The following WIPF3 variants were observed in gnomAD, a reference collection of about 807,000 sequenced individuals.
WIPF3 encodes WAS/WASL-interacting protein family member 3.
In WIPF3, 33 loss-of-function variants were observed where a neutral mutation model predicts 38.9. The observed-to-expected ratio is 0.85, with a 90% CI of 0.64 to 1.14. The LOEUF (loss-of-function observed/expected upper bound fraction) is 1.14, where lower values mean the gene tolerates loss of function less well. Among genes scored for constraint, WIPF3 ranks in the 50% most tolerant of loss-of-function variants. The probability of loss-of-function intolerance (pLI) is 0.00; values close to 1 mark genes in which losing one functional copy is unlikely to be tolerated. For missense variants in WIPF3, 711 were observed against 652.5 expected, an observed-to-expected ratio of 1.09 and a Z score of -0.98; for synonymous variants, 324 against 269.3, an observed-to-expected ratio of 1.20 and a Z score of -1.99.
intron 2 of WIPF3, among the ~76,000 whole-genome samples, chr7:29,843,711 G>GCAC (rs1784954652): frequency 6.6e-6 from 1 of 152,174 alleles, no homozygotes. Flanking sequence ...TGCTTGCGAA[G>GCAC]GTCACCATCG....
intron 1 of WIPF3, among the ~76,000 whole-genome samples, chr7:29,822,573 C>T (rs572745524): frequency 6.6e-5 from 10 of 152,238 alleles, no homozygotes; most frequent in East Asian, 3.9e-4. Flanking sequence ...TTATTCTAAA[C>T]GAGAGTTGAT....
chr7:29,831,308 C>G (rs928861754), intron 1 of WIPF3, among the ~76,000 whole-genome samples: 2 of 152,172 alleles, frequency 1.3e-5, no homozygotes, highest in Admixed American at 1.3e-4. Context: ...CATGGGTTGT[C>G]TTGTTCTATC....
At chr7:29,830,479 G>A (rs1477284207) in intron 1 of WIPF3, among the ~76,000 whole-genome samples, 2 of 151,884 alleles carry the variant, frequency 1.3e-5, no homozygotes, top group Non-Finnish European at 2.9e-5. Flanking sequence ...AATTAGCCAG[G>A]GGTGGCAGTG....
chr7:29,888,125 C>T lies in WIPF3; in HGVS notation c.1157C>T (p.Thr386Ile). 1 of 1,613,952 alleles carries T rather than the reference C, an allele frequency of 6.2e-7. No individual in the cohort carries two copies. Among genetic ancestry groups the T allele is most frequent in the Non-Finnish European group, 8.5e-7 (1 of 1,179,878 alleles). The change falls in exon 6 of 9, where the codon ACA (threonine) becomes ATA (isoleucine). Residue 386 changes from threonine to isoleucine, a missense_variant. By Grantham distance (89) the Thr-to-Ile change is moderately conservative. Coordinates refer to ENST00000242140, the MANE Select transcript of WIPF3 (RefSeq NM_001080529.3). Reference sequence around the variant, plus strand: ...GCACCCCCTGCGAGATCACCTACCACAGAGCTTTCAAGCAAGAGCCAGCAG... The same window carrying T: ...GCACCCCCTGCGAGATCACCTACCATAGAGCTTTCAAGCAAGAGCCAGCAG... ...PPAPPARSPT[T>I]ELSSKSQQAT...
intron 2 of WIPF3, among the ~76,000 whole-genome samples, chr7:29,858,158 T>C (rs1785216000): frequency 6.6e-6 from 1 of 152,240 alleles, no homozygotes; most frequent in Non-Finnish European, 1.5e-5. Context: ...TGGAATATAC[T>C]AGAGATCAGA....
chr7:29,816,116 C>G (rs10256615), intron 1 of WIPF3, among the ~76,000 whole-genome samples: 17,512 of 152,204 alleles, frequency 0.12, 1,115 homozygotes, highest in African/African-American at 0.16. Context: ...ACAGTTGTCC[C>G]AAATAAAGTG....
intron 1 of WIPF3, among the ~76,000 whole-genome samples, chr7:29,812,141 G>GT (rs1452290557): frequency 1.3e-5 from 2 of 152,196 alleles, no homozygotes; most frequent in African/African-American, 4.8e-5. Flanking sequence ...GAAAAATCCA[G>GT]TGCTAGAAAG....
At chr7:29,837,372 A>T (rs1028531805) in intron 2 of WIPF3, among the ~76,000 whole-genome samples, 2 of 152,228 alleles carry the variant, frequency 1.3e-5, no homozygotes, top group African/African-American at 4.8e-5. Context: ...ACAAACAAAC[A>T]AACAAATGAA....
At chr7:29,819,114 T>C (rs1382460661) in intron 1 of WIPF3, among the ~76,000 whole-genome samples, 1 of 152,148 alleles carries the variant, frequency 6.6e-6, no homozygotes, top group South Asian at 2.1e-4. Flanking sequence ...TGCTAAGTGG[T>C]AATTAACTGC....
chr7:29,871,579 G>T (rs1785497832), intron 2 of WIPF3, among the ~76,000 whole-genome samples: 1 of 152,204 alleles, frequency 6.6e-6, no homozygotes, highest in Non-Finnish European at 1.5e-5. Context: ...GAAAGGTGAG[G>T]ATGGCATATG....
chr7:29,821,643 T>C (rs1240446319), intron 1 of WIPF3, among the ~76,000 whole-genome samples: 5 of 152,248 alleles, frequency 3.3e-5, no homozygotes, highest in Non-Finnish European at 7.3e-5. Flanking sequence ...TTTCTTAAAT[T>C]ATATGCTTGA....
intron 2 of WIPF3, among the ~76,000 whole-genome samples, chr7:29,870,722 C>T (rs1785479894): frequency 6.6e-6 from 1 of 152,168 alleles, no homozygotes; most frequent in African/African-American, 2.4e-5. Context: ...CTCCAGGTAA[C>T]AGTCACAGTT....
chr7:29,875,925 C>G lies in WIPF3; in HGVS notation c.186C>G (p.Val62=). The G allele has an allele frequency of 6.2e-7, 1 of 1,614,056 alleles. No individual in the cohort carries two copies. Among genetic ancestry groups the G allele is most frequent in the Non-Finnish European group, 8.5e-7 (1 of 1,179,902 alleles). The change falls in exon 3 of 9, where the codon GTC becomes GTG. Residue 62 remains valine, a synonymous_variant. Coordinates refer to ENST00000242140, the MANE Select transcript of WIPF3 (RefSeq NM_001080529.3). ...DIQQGTRLRK[V]TQINDRSAPQ... is the part of the protein sequence containing the mutation. ...AGCAAGGAACTCGCCTGCGCAAAGT[C>G]ACGCAGATCAACGACCGCAGTGCCC...
chr7:29,835,738 C>T (rs1784789530), intron 2 of WIPF3, among the ~76,000 whole-genome samples: 1 of 152,228 alleles, frequency 6.6e-6, no homozygotes, highest in African/African-American at 2.4e-5. Context: ...CGCATCCGCT[C>T]CGCAGCTTCT....
chr7:29,857,295 T>A (rs963716059), intron 2 of WIPF3, among the ~76,000 whole-genome samples: 7 of 152,232 alleles, frequency 4.6e-5, no homozygotes, highest in Admixed American at 1.3e-4. Context: ...ATAAACTAAG[T>A]TGTTTCTCTT....
chr7:29,814,250 G>T (rs1784424328), intron 1 of WIPF3, among the ~76,000 whole-genome samples: 1 of 152,064 alleles, frequency 6.6e-6, no homozygotes, highest in Admixed American at 6.5e-5. Context: ...GTGTTTTCTT[G>T]TATACCCTGT....
Position 29,884,264 on chromosome 7 carries a change from T to TTGCCCCCCCC in WIPF3, c.770_771insTGCCCCCCCC (p.Pro258AlafsTer63). ...AAGCCTCAGCTGGCTCCCTTGCACC[T>TTGCCCCCCCC]CCCGCCCATCCCGCCCCCGCTCCCT... On this transcript the variant is annotated frameshift_variant, in exon 5 of 9. Transcript: ENST00000242140. LOFTEE classifies it high-confidence loss of function. 1.5e-6 allele frequency: 2 copies of TTGCCCCCCCC among 1,315,282 alleles called. No homozygotes were observed. Among genetic ancestry groups the TTGCCCCCCCC allele is most frequent in the Non-Finnish European group, 2.0e-6 (2 of 992,706 alleles). The allele number at this position is 1,315,282 out of a possible 1,614,324, so 81.5% of individuals were successfully genotyped here.
Position 29,875,884 on chromosome 7 carries a change from C to T in WIPF3, c.145C>T (p.Leu49=). 1 of 1,614,084 alleles carries T rather than the reference C, an allele frequency of 6.2e-7. No homozygotes were observed. The highest frequency in any genetic ancestry group is 1.1e-5 in the South Asian group (1 of 91,088). The change falls in exon 3 of 9, where the codon CTG becomes TTG. Residue 49 remains leucine (L), a synonymous_variant. Coordinates refer to ENST00000242140, the MANE Select transcript of WIPF3 (RefSeq NM_001080529.3). ...GGCAGATCCGAAAGGCCGGAGTGCG[C>T]TGTTGGCTGATATCCAGCAAGGAAC... ...RRADPKGRSA[L]LADIQQGTRL... is the part of the protein sequence containing the mutation.
intron 2 of WIPF3, among the ~76,000 whole-genome samples, chr7:29,836,222 G>A (rs1357609042): frequency 6.6e-6 from 1 of 152,218 alleles, no homozygotes; most frequent in Non-Finnish European, 1.5e-5. Context: ...CAAAGTGATG[G>A]TTTGTAAGTA....
Sources: allele counts gnomAD v4.1 joint callset (sites outside exome capture counted in the v4.1 genomes callset), GRCh38; gene constraint gnomAD v4.1.1; transcripts MANE v1.5; gene names NCBI Gene and HGNC (gene_info 2026-07-23, HGNC 2026-07-21).